ZMAT3: variants seen among roughly 807,000 people sequenced by gnomAD.
ZMAT3 encodes the protein zinc finger matrin-type protein 3.
Under a neutral mutation model 32.3 loss-of-function variants are expected in ZMAT3, and 17 were observed. The ratio of observed to expected loss-of-function variants is 0.53; its 90% confidence interval spans 0.36 to 0.79. ZMAT3 has a LOEUF of 0.79. ZMAT3 is among the 30% of genes least tolerant of loss of function. The pLI is 0.00. For missense variants in ZMAT3, 329 were observed against 359.7 expected, an observed-to-expected ratio of 0.91 and a Z score of 0.69; for synonymous variants, 120 against 133.1, an observed-to-expected ratio of 0.90 and a Z score of 0.68.
rs1327010728 is a variant in ZMAT3, at chr3:179,017,726, C to T, written c.*7291G>A. 6.6e-6 allele frequency: 1 copy of T among 152,134 alleles called. No individual in the cohort carries two copies. Among genetic ancestry groups the T allele is most frequent in the Non-Finnish European group, 1.5e-5 (1 of 68,010 alleles). The allele number at this position is 152,134 out of a possible 1,614,324, so 9.4% of individuals were successfully genotyped here. A position where few individuals can be genotyped will look rare whatever the true frequency, so the allele number is the denominator to read the frequency against. On this transcript the variant is annotated 3_prime_UTR_variant, in exon 6 of 6. Coordinates refer to ENST00000311417, the MANE Select transcript of ZMAT3 (RefSeq NM_022470.4). Reference sequence around the variant, plus strand: ...GGTTCTAAAGCCTCCCTTGGTTTTACATTTTATTCTCTAATTTAAAACAAT... The same window carrying T: ...GGTTCTAAAGCCTCCCTTGGTTTTATATTTTATTCTCTAATTTAAAACAAT...
intron 2 of ZMAT3, among the ~76,000 whole-genome samples, chr3:179,053,886 G>A (rs1720699812): frequency 6.6e-6 from 1 of 152,174 alleles, no homozygotes; most frequent in African/African-American, 2.4e-5. Flanking sequence ...TTTCATCCTG[G>A]ATTAAATAAC....
chr3:179,043,521 T>G (rs543744976), intron 2 of ZMAT3, among the ~76,000 whole-genome samples: 1 of 152,230 alleles, frequency 6.6e-6, no homozygotes, highest in Admixed American at 6.5e-5. Context: ...GCTAGCCATA[T>G]GTAGAAAGCT....
At chr3:179,026,142 T>C (rs34101404) in intron 5 of ZMAT3, among the ~76,000 whole-genome samples, 15,270 of 152,170 alleles carry the variant, frequency 0.1, 993 homozygotes, top group Non-Finnish European at 0.15. Flanking sequence ...GGAAAACAAA[T>C]GGAAATTTTG....
intron 2 of ZMAT3, among the ~76,000 whole-genome samples, chr3:179,040,056 A>C (rs1314194276): frequency 2.0e-5 from 3 of 151,862 alleles, no homozygotes; most frequent in Non-Finnish European, 4.4e-5. Context: ...GAAATGAACA[A>C]AGCCTCCAAG....
intron 2 of ZMAT3, among the ~76,000 whole-genome samples, chr3:179,041,210 C>T (rs7611926): frequency 0.33 from 50,125 of 152,032 alleles, 9,217 homozygotes; most frequent in East Asian, 0.52. Flanking sequence ...AGGACTTGAA[C>T]TCAGCTCTGC....
rs1718376555 is a variant in ZMAT3, at chr3:179,018,331, A to G, written c.*6686T>C. 6.6e-6 allele frequency: 1 copy of G among 152,188 alleles called. No individual in the cohort carries two copies. The allele number at this position is 152,188 out of a possible 1,614,324, so 9.4% of individuals were successfully genotyped here. ...GGTCATCAAAATGCAAAAACATCCA[A>G]TAAATGTTGCATTATTAGTATTCAA... On this transcript the variant is annotated 3_prime_UTR_variant, in exon 6 of 6. Transcript: ENST00000311417.
chr3:179,048,631 C>A (rs1720375334), intron 2 of ZMAT3, among the ~76,000 whole-genome samples: 1 of 152,136 alleles, frequency 6.6e-6, no homozygotes, highest in African/African-American at 2.4e-5. Context: ...TTGCCACTAC[C>A]AAGCCAGCAT....
intron 2 of ZMAT3, among the ~76,000 whole-genome samples, chr3:179,059,834 G>T (rs1202298311): frequency 6.6e-6 from 1 of 152,220 alleles, no homozygotes; most frequent in Non-Finnish European, 1.5e-5. Context: ...GGGACTGAGA[G>T]ACAGGACTAG....
At chr3:179,052,513 G>A (rs1394900427) in intron 2 of ZMAT3, among the ~76,000 whole-genome samples, 1 of 152,176 alleles carries the variant, frequency 6.6e-6, no homozygotes, top group Non-Finnish European at 1.5e-5. Context: ...TGGCATGGAT[G>A]TGGTCAAAAG....
chr3:179,064,806 G>A (rs1386649007), intron 2 of ZMAT3, among the ~76,000 whole-genome samples: 3 of 151,966 alleles, frequency 2.0e-5, no homozygotes, highest in Non-Finnish European at 4.4e-5. Context: ...CATCTTTTTG[G>A]CTAACATTTC....
At position 179,067,626 on chromosome 3, in the gene ZMAT3, C is replaced by G; in HGVS notation, c.127G>C (p.Ala43Pro). The G allele has an allele frequency of 4.3e-6, 7 of 1,614,178 alleles. No individual in the cohort carries two copies. Among genetic ancestry groups the G allele is most frequent in the African/African-American group, 1.3e-5 (1 of 75,052 alleles). The change falls in exon 2 of 6, where the codon GCT (alanine) becomes CCT (proline). Residue 43 changes from alanine (A) to proline (P), a missense_variant. Coordinates refer to ENST00000311417, the MANE Select transcript of ZMAT3 (RefSeq NM_022470.4). Reference protein sequence around the residue: ...LPPQKPFGQEASLPLAGEEEL... With the variant: ...LPPQKPFGQEPSLPLAGEEEL... ...TCTTCCCCTGCAAGAGGCAAGGAAG[C>G]CTCCTGCCCAAAAGGCTTCTGTGGT... is the stretch of plus-strand genomic sequence containing the variant.
At chr3:179,058,330 A>T (rs1720959690) in intron 2 of ZMAT3, among the ~76,000 whole-genome samples, 2 of 152,258 alleles carry the variant, frequency 1.3e-5, no homozygotes, top group African/African-American at 4.8e-5. Context: ...TTTCTTCCAG[A>T]CAATGAAGAA....
intron 2 of ZMAT3, among the ~76,000 whole-genome samples, chr3:179,043,138 G>A (rs574470697): frequency 1.3e-5 from 2 of 152,238 alleles, no homozygotes; most frequent in Admixed American, 1.3e-4. Flanking sequence ...CGTGAAAATA[G>A]CCATACTGCC....
intron 2 of ZMAT3, among the ~76,000 whole-genome samples, chr3:179,050,525 A>C (rs1720501015): frequency 6.6e-6 from 1 of 152,218 alleles, no homozygotes; most frequent in Non-Finnish European, 1.5e-5. Flanking sequence ...GCACAGCTGA[A>C]TTCTATCAGA....
rs568213830 is a variant in ZMAT3, at chr3:179,022,428, T to G, written c.*2589A>C. 33 of 152,246 alleles carry G rather than the reference T, an allele frequency of 2.2e-4. No individual in the cohort carries two copies. Among genetic ancestry groups the G allele is most frequent in the Admixed American group, 6.5e-4 (10 of 15,292 alleles). 9.4% of individuals were successfully genotyped at this position (152,246 alleles called of 1,614,324 possible). A position where few individuals can be genotyped will look rare whatever the true frequency, so the allele number is the denominator to read the frequency against. Reference sequence around the variant, plus strand: ...ATGACAACATATATGTACGTGTGTGTGTGGGGGTATGCATACACACACATC... The same window carrying G: ...ATGACAACATATATGTACGTGTGTGGGTGGGGGTATGCATACACACACATC... On this transcript the variant is annotated 3_prime_UTR_variant, in exon 6 of 6. Coordinates refer to ENST00000311417, the MANE Select transcript of ZMAT3 (RefSeq NM_022470.4).
chr3:179,048,526 C>A (rs1374162394), intron 2 of ZMAT3, among the ~76,000 whole-genome samples: 3 of 152,140 alleles, frequency 2.0e-5, no homozygotes, highest in Middle Eastern at 3.2e-3. Flanking sequence ...TTAAACAAAA[C>A]AATTATCAGC....
chr3:179,029,819 A>G (rs1225055607), intron 3 of ZMAT3, among the ~76,000 whole-genome samples: 2 of 152,198 alleles, frequency 1.3e-5, no homozygotes, highest in African/African-American at 4.8e-5. Context: ...TTTCTAAAAT[A>G]TTGTATTAAA....
Position 179,027,767 on chromosome 3 carries a change from T to C in ZMAT3, c.436A>G (p.Asn146Asp), listed in dbSNP as rs200558116. Reference protein sequence around the residue: ...PGGRVILATENDYCKLCDASF... With the variant: ...PGGRVILATEDDYCKLCDASF... ...GCATCACAGAGCTTACAGTAATCAT[T>C]CTCCGTGGCCAGGATCACTCGGCCT... The change falls in exon 4 of 6, where the codon AAT (asparagine) becomes GAT (aspartate). Residue 146 changes from asparagine to aspartate, a missense_variant. Asn to Asp is a conservative substitution (Grantham distance 23). Coordinates refer to ENST00000311417, the MANE Select transcript of ZMAT3 (RefSeq NM_022470.4). 1.8e-4 allele frequency: 284 copies of C among 1,613,746 alleles called. 1 individual carries two copies. The highest frequency in any genetic ancestry group is 2.0e-4 in the Non-Finnish European group (240 of 1,180,006).
intron 2 of ZMAT3, among the ~76,000 whole-genome samples, chr3:179,037,870 C>T (rs1354955054): frequency 6.6e-6 from 1 of 152,170 alleles, no homozygotes; most frequent in Admixed American, 6.6e-5. Context: ...GGAGATAAAA[C>T]AGTGAACAAA....
Sources: allele counts gnomAD v4.1 joint callset (sites outside exome capture counted in the v4.1 genomes callset), GRCh38; gene constraint gnomAD v4.1.1; transcripts MANE v1.5; gene names NCBI Gene and HGNC (gene_info 2026-07-23, HGNC 2026-07-21).